Variants in NOS1 observed in about 807,000 individuals in gnomAD.
NOS1 encodes nitric oxide synthase 1, also known as NOS type I.
A neutral mutation model predicts 164.5 loss-of-function variants in NOS1; 51 were observed. The ratio of observed to expected loss-of-function variants is 0.31; its 90% CI spans 0.25 to 0.39. The LOEUF (loss-of-function observed/expected upper bound fraction) is 0.39, where lower values mean the gene tolerates loss of function less well. NOS1 is among the 10% of genes least tolerant of loss of function. The probability of loss-of-function intolerance (pLI) is 1.00; values close to 1 mark genes in which losing one functional copy is unlikely to be tolerated. For missense variants in NOS1, 1,362 were observed against 1,885.6 expected (o/e 0.72, Z 5.14); for synonymous variants, 719 against 745.8 (o/e 0.96, Z 0.59).
At chr12:117,269,396 G>T (rs1349706788) in intron 10 of NOS1, among the ~76,000 whole-genome samples, 1 of 150,634 alleles carries the variant, frequency 6.6e-6, no homozygotes, top group Non-Finnish European at 1.5e-5. Context: ...GATCTTGAAA[G>T]ACATGCCAAG....
In NOS1 at chr12:117,293,672, T is replaced by C. The variant is rs559541494; in HGVS notation, c.853-3246A>G. Among the ~76,000 whole-genome samples, 97 of 151,706 alleles carry C rather than the reference T, an allele frequency of 6.4e-4. 1 individual carries two copies. The highest frequency in any genetic ancestry group is 1.3e-3 in the Non-Finnish European group (86 of 67,952). Reference sequence around the variant, plus strand: ...TACTTGTATATTATTACTTGTATTATTATTACTACTTGTATTATTACTTGT... The same window carrying C: ...TACTTGTATATTATTACTTGTATTACTATTACTACTTGTATTATTACTTGT... On this transcript the variant is annotated intron_variant, in intron 3 of 28. Transcript: ENST00000317775.
intron 2 of NOS1, among the ~76,000 whole-genome samples, chr12:117,329,781 G>A (rs1875437836): frequency 6.6e-6 from 1 of 152,204 alleles, no homozygotes; most frequent in African/African-American, 2.4e-5. Flanking sequence ...ACCGGGGCCA[G>A]TTCTAGACTT....
At chr12:117,251,596 AT>A (rs11347925) in intron 17 of NOS1, among the ~76,000 whole-genome samples, 63,906 of 135,884 alleles carry the variant, frequency 0.47, 14,235 homozygotes, top group African/African-American at 0.6. Context: ...AATTTTTTTC[AT>A]TTTTTTTTTT....
chr12:117,225,956 A>T (rs1218585605), intron 24 of NOS1, among the ~76,000 whole-genome samples: 1 of 152,160 alleles, frequency 6.6e-6, no homozygotes, highest in Non-Finnish European at 1.5e-5. Context: ...CCAACCGTGA[A>T]ATCTTTAAAT....
chr12:117,288,265 G>A (rs9658343), intron 4 of NOS1, 46 bp from the exon 5 acceptor site: 1 of 1,583,840 alleles, frequency 6.3e-7, no homozygotes, highest in East Asian at 2.2e-5. Context: ...TTACCCAAGA[G>A]TGGCAGGTGT....
chr12:117,263,608 TTA>T (rs963779205), intron 13 of NOS1, among the ~76,000 whole-genome samples: 8 of 95,418 alleles, frequency 8.4e-5, no homozygotes, highest in African/African-American at 2.4e-4. Context: ...ATTATTATTA[TTA>T]TTATTATTAT....
In NOS1 at chr12:117,213,963, T is replaced by C; in HGVS notation, c.*1346A>G. On this transcript the variant is annotated 3_prime_UTR_variant, in exon 29 of 29. Transcript: ENST00000317775. The stretch of plus-strand genomic sequence containing the variant: ...CGAAGACTTGGCTGCCCATTTTTGA[T>C]CTGAGTTGAGGGTAACTTATTTGTC... The C allele has an allele frequency of 1.0e-6, 1 of 985,444 alleles. No individual in the cohort carries two copies. 61.0% of individuals were successfully genotyped at this position (985,444 alleles called of 1,614,324 possible).
chr12:117,275,506 G>A (rs1442100063), intron 9 of NOS1, among the ~76,000 whole-genome samples: 8 of 152,142 alleles, frequency 5.3e-5, no homozygotes, highest in African/African-American at 1.9e-4. Flanking sequence ...GGGAGGAGGA[G>A]GGAGAAGGGA....
intron 1 of NOS1, among the ~76,000 whole-genome samples, chr12:117,336,121 A>T (rs1038310812): frequency 2.6e-5 from 4 of 152,160 alleles, no homozygotes; most frequent in Non-Finnish European, 4.4e-5. Context: ...CAGTCCTGAA[A>T]ATAATCTCAC....
In NOS1 at chr12:117,234,004, G is replaced by C. The variant is rs1049612316; in HGVS notation, c.3235+561C>G. 2.9e-4 allele frequency among the ~76,000 whole-genome samples: 44 copies of C among 152,050 alleles called. No homozygotes were observed. Among genetic ancestry groups the C allele is most frequent in the African/African-American group, 4.8e-5 (2 of 41,384 alleles). ...GCAGTTCCTTGTACCTGACTCCTGA[G>C]CCCACCTGTGCTCCTGGATGAAGCA... On this transcript the variant is annotated intron_variant, in intron 21 of 28. Transcript: ENST00000317775. This position sits in a 1 kb window ranked among gnomAD's most constrained non-coding sequence, Gnocchi z 4.3.
At chr12:117,321,830 G>GT (rs1874940295) in intron 2 of NOS1, among the ~76,000 whole-genome samples, 1 of 152,086 alleles carries the variant, frequency 6.6e-6, no homozygotes, top group Admixed American at 6.6e-5. Flanking sequence ...TCTAACTAGC[G>GT]TGAGTCCTCG....
Position 117,209,551 on chromosome 12 carries a change from T to C in NOS1, c.*5758A>G. On this transcript the variant is annotated 3_prime_UTR_variant, in exon 29 of 29. Transcript: ENST00000317775. ...GGGCCATCTCGTTAATAACGGACTG[T>C]GTTTTGGGCCAGACGGGCATAGCCC... 2 of 985,528 alleles carry C rather than the reference T, an allele frequency of 2.0e-6. No homozygotes were observed. The highest frequency in any genetic ancestry group is 2.4e-6 in the Non-Finnish European group (2 of 829,972). 61.0% of individuals were successfully genotyped at this position (985,528 alleles called of 1,614,324 possible).
intron 3 of NOS1, among the ~76,000 whole-genome samples, chr12:117,294,606 C>T (rs1873295824): frequency 6.6e-6 from 1 of 152,174 alleles, no homozygotes; most frequent in African/African-American, 2.4e-5. Context: ...ATTAATATAG[C>T]AGTCAGGGGC....
intron 3 of NOS1, among the ~76,000 whole-genome samples, chr12:117,298,413 C>G (rs2136038024): frequency 6.6e-6 from 1 of 152,284 alleles, no homozygotes; most frequent in South Asian, 2.1e-4. Context: ...TGCTGTGCAG[C>G]CCAGCTCCTA....
chr12:117,210,053 G>A lies in NOS1; in HGVS notation c.*5256C>T, dbSNP rs556667812. 9.5e-5 allele frequency: 84 copies of A among 888,736 alleles called. No individual in the cohort carries two copies. Among genetic ancestry groups the A allele is most frequent in the Non-Finnish European group, 9.8e-5 (73 of 741,984 alleles). 55.1% of individuals were successfully genotyped at this position (888,736 alleles called of 1,614,324 possible). On this transcript the variant is annotated 3_prime_UTR_variant, in exon 29 of 29. Coordinates refer to ENST00000317775, the MANE Select transcript of NOS1 (RefSeq NM_000620.5). ...AGTGGTGCGATCCTAGCTCACTGTC[G>A]CCTCAAACTCCTGGGACCAAGTGAT...
chr12:117,221,188 C>T (rs991234386), intron 26 of NOS1, among the ~76,000 whole-genome samples: 3 of 150,838 alleles, frequency 2.0e-5, no homozygotes, highest in Non-Finnish European at 2.9e-5. Context: ...GAGTCTTGCT[C>T]GTTGCCCAGG....
intron 2 of NOS1, among the ~76,000 whole-genome samples, chr12:117,321,347 C>T (rs1410478599): frequency 6.6e-6 from 1 of 152,190 alleles, no homozygotes; most frequent in Non-Finnish European, 1.5e-5. Context: ...TATGATTCTC[C>T]AAGGGCAGAG....
chr12:117,260,832 T>TA (rs397742136), intron 13 of NOS1, among the ~76,000 whole-genome samples: 1 of 151,688 alleles, frequency 6.6e-6, no homozygotes, highest in African/African-American at 2.4e-5. Context: ...TTTTATTTTT[T>TA]AACTTCTCTA....
chr12:117,265,462 T>C lies in NOS1; in HGVS notation c.1990A>G (p.Ile664Val). The C allele has an allele frequency of 6.3e-7, 1 of 1,581,902 alleles. No individual in the cohort carries two copies. Among genetic ancestry groups the C allele is most frequent in the African/African-American group, 1.3e-5 (1 of 74,642 alleles). ...VDHHSATESF[I>V]KHMENEYRCR... is the part of the protein sequence containing the mutation. ...CGGTACTCATTCTCCATGTGCTTAA[T>C]GAAGGACTCGGTGGCGGAGTGATGG... The change falls in exon 12 of 29, where the codon ATT becomes GTT. Residue 664 changes from isoleucine to valine, a missense_variant. Ile to Val is a conservative substitution (Grantham distance 29). Coordinates refer to ENST00000317775, the MANE Select transcript of NOS1 (RefSeq NM_000620.5).
Sources: gnomAD v4.1 joint callset for allele counts (sites outside exome capture counted in the v4.1 genomes callset) on GRCh38, gnomAD v4.1.1 for gene constraint, Gnocchi (gnomAD v3.1) non-coding constraint, MANE v1.5 for transcripts, NCBI Gene and HGNC (gene_info 2026-07-23, HGNC 2026-07-21) for gene names.